ABCA13: variants seen among roughly 807,000 people sequenced by gnomAD.
The protein encoded by ABCA13 is ATP binding cassette subfamily A member 13.
A neutral mutation model predicts 478.7 loss-of-function variants in ABCA13; 476 were observed. The ratio of observed to expected loss-of-function variants is 0.99; its 90% CI spans 0.92 to 1.07. ABCA13 has a LOEUF of 1.07. ABCA13 is among the 50% of genes least tolerant of loss of function. ABCA13 has a pLI of 0.00. For synonymous variants in ABCA13, 2,252 were observed against 2,158.9 expected, an observed-to-expected ratio of 1.04 and a Z score of -1.20; for missense variants, 6,060 against 5,910.6, an observed-to-expected ratio of 1.03 and a Z score of -0.83.
At position 48,249,135 on chromosome 7, in the gene ABCA13, A is replaced by C. The variant is rs149719003; in HGVS notation, c.1866-77A>C. 7.3e-5 allele frequency: 100 copies of C among 1,372,156 alleles called. No individual in the cohort carries two copies. The African/African-American group carries it at 1.3e-3, about 18-fold the overall frequency. 85.0% of individuals were successfully genotyped at this position (1,372,156 alleles called of 1,614,324 possible). A position where few individuals can be genotyped will look rare whatever the true frequency, so the allele number is the denominator to read the frequency against. On this transcript the variant is annotated intron_variant, in intron 14 of 61. Transcript: ENST00000435803. Reference sequence around the variant, plus strand: ...CATGCATTTGCATATATTTGTTTTTAGAAAAATTTATAATGATCTGTCATC... The same window carrying C: ...CATGCATTTGCATATATTTGTTTTTCGAAAAATTTATAATGATCTGTCATC...
At chr7:48,218,709 T>A (rs1786867693) in intron 3 of ABCA13, among the ~76,000 whole-genome samples, 1 of 152,200 alleles carries the variant, frequency 6.6e-6, no homozygotes, top group Non-Finnish European at 1.5e-5. Context: ...CCACATTTCC[T>A]CATCTCTAAA....
At chr7:48,178,975 CTAATAATAATAATAATAATAA>C (rs369219799) in intron 1 of ABCA13, among the ~76,000 whole-genome samples, 14 of 142,076 alleles carry the variant, frequency 9.9e-5, no homozygotes, top group East Asian at 4.1e-4. Flanking sequence ...AAAACAAAAA[CTAATAATAATAATAATAATAA>C]TAATAATAAT....
At chr7:48,205,264 C>T (rs1240807700) in intron 3 of ABCA13, among the ~76,000 whole-genome samples, 1 of 152,146 alleles carries the variant, frequency 6.6e-6, no homozygotes, top group Non-Finnish European at 1.5e-5. Flanking sequence ...ACCCGCTGGT[C>T]TGGAATTCAT....
At chr7:48,237,403 G>T (rs992687706) in intron 8 of ABCA13, among the ~76,000 whole-genome samples, 1 of 152,088 alleles carries the variant, frequency 6.6e-6, no homozygotes, top group African/African-American at 2.4e-5. Flanking sequence ...TCTTAGGGAG[G>T]GACTACTATC....
intron 14 of ABCA13, 130 bp from the exon 15 acceptor site, chr7:48,249,082 A>T: frequency 8.0e-6 from 6 of 753,692 alleles, no homozygotes; most frequent in Non-Finnish European, 1.2e-5. Flanking sequence ...TATTTGAAAG[A>T]TTCTATTTCC....
intron 3 of ABCA13, among the ~76,000 whole-genome samples, chr7:48,201,546 C>T (rs10232591): frequency 0.086 from 13,004 of 152,080 alleles, 579 homozygotes; most frequent in East Asian, 0.12. Flanking sequence ...AGGCTGAAAC[C>T]CTGTCTCTAC....
intron 55 of ABCA13, among the ~76,000 whole-genome samples, chr7:48,573,341 C>A (rs1012706236): frequency 1.3e-5 from 2 of 150,056 alleles, no homozygotes; most frequent in African/African-American, 4.9e-5. Context: ...TGTTTTTTAT[C>A]TTATTTATTT....
At chr7:48,602,540 G>A (rs1298575354) in intron 58 of ABCA13, among the ~76,000 whole-genome samples, 10 of 152,098 alleles carry the variant, frequency 6.6e-5, no homozygotes, top group Non-Finnish European at 1.5e-4. Context: ...TTGTAGATGT[G>A]TGGTGTTATT....
rs1163441612 is a variant in ABCA13, at chr7:48,271,978, G to A, written c.2312G>A (p.Ser771Asn). 1 of 1,613,532 alleles carries A rather than the reference G, an allele frequency of 6.2e-7. No homozygotes were observed. Among genetic ancestry groups the A allele is most frequent in the Non-Finnish European group, 8.5e-7 (1 of 1,179,676 alleles). ...CTCACAGAGGATATTCTGAATATAAGTTCTCTGTGGACAAATCATTTAAAA... is the reference window on the plus strand; with the variant it reads ...CTCACAGAGGATATTCTGAATATAAATTCTCTGTGGACAAATCATTTAAAA... ...PSLTEDILNI[S>N]SLWTNHLKSL... Residue 771 changes from serine (S) to asparagine (N), a missense_variant, in exon 17 of 62, where the codon AGT becomes AAT. Physicochemically the swap from Ser to Asn is conservative, Grantham distance 46. Around this residue, in one of 3 missense-constraint regions of ABCA13, gnomAD observed 4,423 missense variants for 4,309.1 expected, o/e 1.03. Transcript: ENST00000435803.
In ABCA13 at chr7:48,288,058, T is replaced by C; in HGVS notation, c.8935T>C (p.Leu2979=). The change falls in exon 20 of 62, where the codon TTG becomes CTG. Residue 2979 remains leucine (L), a synonymous_variant. Transcript: ENST00000435803. The stretch of plus-strand genomic sequence containing the variant: ...TTTATCTGCTATACAAGGGGTCACT[T>C]TGGCGCAGGACCACTTCCAGGTTTG... ...LILSAIQGVT[L]AQDHFQEIEK... The C allele has an allele frequency of 6.2e-7, 1 of 1,613,984 alleles. No homozygotes were observed. Among genetic ancestry groups the C allele is most frequent in the African/African-American group, 1.3e-5 (1 of 75,054 alleles).
At chr7:48,531,937 T>C (rs1833266435) in intron 55 of ABCA13, among the ~76,000 whole-genome samples, 1 of 152,068 alleles carries the variant, frequency 6.6e-6, no homozygotes, top group Non-Finnish European at 1.5e-5. Context: ...AATCATATCA[T>C]CAGCAAACAG....
At position 48,645,706 on chromosome 7, in the gene ABCA13, C is replaced by A. The variant is rs1452507092; in HGVS notation, c.*194C>A. On this transcript the variant is annotated 3_prime_UTR_variant, in exon 62 of 62. Coordinates refer to ENST00000435803, the MANE Select transcript of ABCA13 (RefSeq NM_152701.5). The stretch of plus-strand genomic sequence containing the variant: ...CCAAATGGAAAGGTCATTCTTTCTG[C>A]AGACTTTTGGGGAGCTCCTCCAAAA... The A allele has an allele frequency of 2.9e-5, 16 of 547,064 alleles. No individual in the cohort carries two copies. The highest frequency in any genetic ancestry group is 5.1e-5 in the Non-Finnish European group (16 of 314,334). The allele number at this position is 547,064 out of a possible 1,614,324, so 33.9% of individuals were successfully genotyped here.
chr7:48,240,338 G>T (rs1790634188), intron 9 of ABCA13, among the ~76,000 whole-genome samples: 1 of 152,152 alleles, frequency 6.6e-6, no homozygotes, highest in Admixed American at 6.6e-5. Context: ...GGCATAGTTA[G>T]CACACATACA....
In ABCA13 at chr7:48,324,942, GATGT is replaced by G. The variant is rs573496009; in HGVS notation, c.9999+7647_9999+7650del. Among the ~76,000 whole-genome samples the G allele has an allele frequency of 1.3e-4, 20 of 152,336 alleles. No homozygotes were observed. In the South Asian group the frequency reaches 3.9e-3, roughly 30 times the overall value. On this transcript the variant is annotated intron_variant, in intron 27 of 61. Coordinates refer to ENST00000435803, the MANE Select transcript of ABCA13 (RefSeq NM_152701.5). ...TGCAAAGCCATTTGGAGGAGGAGAA[GATGT>G]GCTTCGAATTGCTTTCTTAATTAAA...
intron 27 of ABCA13, among the ~76,000 whole-genome samples, chr7:48,327,045 A>G (rs1804439804): frequency 6.6e-6 from 1 of 152,210 alleles, no homozygotes; most frequent in Non-Finnish European, 1.5e-5. Context: ...TGCAGATTGA[A>G]TCACTCTTTA....
chr7:48,479,105 G>T (rs190637004), intron 45 of ABCA13, among the ~76,000 whole-genome samples: 1 of 151,404 alleles, frequency 6.6e-6, no homozygotes, highest in East Asian at 1.9e-4. Flanking sequence ...CCGCCACTAC[G>T]CCCGGCTAAT....
At chr7:48,387,414 C>T (rs2129050939) in intron 35 of ABCA13, among the ~76,000 whole-genome samples, 1 of 152,226 alleles carries the variant, frequency 6.6e-6, no homozygotes, top group South Asian at 2.1e-4. Context: ...CTACACTTAC[C>T]TCATGCTCTT....
At chr7:48,459,368 G>A (rs1413984225) in intron 43 of ABCA13, among the ~76,000 whole-genome samples, 1 of 152,088 alleles carries the variant, frequency 6.6e-6, no homozygotes, top group Non-Finnish European at 1.5e-5. Flanking sequence ...TTTATCTCAT[G>A]CTCTGAACTT....
intron 41 of ABCA13, 75 bp downstream of exon 41, chr7:48,412,658 G>A: frequency 8.5e-7 from 1 of 1,170,836 alleles, no homozygotes; most frequent in Non-Finnish European, 1.2e-6. Context: ...AGAGATGTGG[G>A]TAAAGGGGGG....
Sources: gnomAD v4.1 joint callset for allele counts (sites outside exome capture counted in the v4.1 genomes callset) on GRCh38, gnomAD v4.1.1 for gene constraint, gnomAD v4.1.1 regional missense constraint, MANE v1.5 for transcripts, NCBI Gene and HGNC (gene_info 2026-07-23, HGNC 2026-07-21) for gene names.